Variants in CEP128 observed in about 807,000 individuals in gnomAD.
CEP128 encodes the protein centrosomal protein 128, also known as centrosomal protein 128kDa.
A neutral mutation model predicts 156.7 loss-of-function variants in CEP128; 132 were observed. The ratio of observed to expected loss-of-function variants is 0.84; its 90% CI spans 0.73 to 0.97. The LOEUF is 0.97. CEP128 is among the 50% of genes least tolerant of loss of function. The probability of loss-of-function intolerance (pLI) is 0.00; values close to 1 mark genes in which losing one functional copy is unlikely to be tolerated. For missense variants in CEP128, 1,252 were observed against 1,281.9 expected, an observed-to-expected ratio of 0.98 and a Z score of 0.36; for synonymous variants, 469 against 448.9, an observed-to-expected ratio of 1.04 and a Z score of -0.57.
At chr14:80,771,314 G>A (rs1189331344) in intron 16 of CEP128, among the ~76,000 whole-genome samples, 1 of 152,094 alleles carries the variant, frequency 6.6e-6, no homozygotes, top group African/African-American at 2.4e-5. Flanking sequence ...AAGAATACAA[G>A]GACTGTATGC....
At chr14:80,944,103 A>G (rs745511340), upstream of CEP128, among the ~76,000 whole-genome samples, 18 of 152,304 alleles carry the variant, frequency 1.2e-4, no homozygotes, top group Non-Finnish European at 2.5e-4. Context: ...AACCAACAAA[A>G]TAGATTTTAC....
At chr14:80,895,672 T>A (rs1889311816) in intron 8 of CEP128, 46 bp downstream of exon 8, 5 of 1,336,908 alleles carry the variant, frequency 3.7e-6, no homozygotes, top group Non-Finnish European at 5.1e-6. Flanking sequence ...AGCCTACCCA[T>A]CCTCTACATG....
At chr14:80,925,218 T>C (rs1885081693) in intron 2 of CEP128, among the ~76,000 whole-genome samples, 1 of 150,194 alleles carries the variant, frequency 6.7e-6, no homozygotes. Context: ...TAGTCATCAG[T>C]ATAGGGGTGG....
downstream of CEP128, among the ~76,000 whole-genome samples, chr14:80,491,549 G>T (rs1887326254): frequency 6.6e-6 from 1 of 152,180 alleles, no homozygotes; most frequent in South Asian, 2.1e-4. Flanking sequence ...ATGATGGGAA[G>T]TTTCAAATAT....
At chr14:80,703,499 T>A (rs961309372) in intron 19 of CEP128, among the ~76,000 whole-genome samples, 1 of 151,976 alleles carries the variant, frequency 6.6e-6, no homozygotes, top group Non-Finnish European at 1.5e-5. Context: ...AGCTTTTAGC[T>A]TTTGGAGAAA....
At chr14:80,706,369 A>G (rs761392640) in intron 19 of CEP128, among the ~76,000 whole-genome samples, 15 of 152,072 alleles carry the variant, frequency 9.9e-5, no homozygotes, top group Non-Finnish European at 1.8e-4. Flanking sequence ...CAGGATATCA[A>G]CATCGATATG....
intron 20 of CEP128, among the ~76,000 whole-genome samples, chr14:80,576,188 T>C (rs1390493084): frequency 6.6e-6 from 1 of 152,102 alleles, no homozygotes; most frequent in Admixed American, 6.6e-5. Context: ...GAGCAAGGTG[T>C]CAAGTCACTG....
At chr14:80,770,878 G>C (rs1900478758) in intron 16 of CEP128, among the ~76,000 whole-genome samples, 1 of 152,130 alleles carries the variant, frequency 6.6e-6, no homozygotes, top group Non-Finnish European at 1.5e-5. Context: ...CTATTTTTCT[G>C]ATTTCTCTAG....
At chr14:80,719,489 A>G (rs1355537137) in intron 19 of CEP128, among the ~76,000 whole-genome samples, 1 of 152,156 alleles carries the variant, frequency 6.6e-6, no homozygotes, top group Admixed American at 6.5e-5. Flanking sequence ...CAAAGCTTTA[A>G]AAAGATTATC....
At chr14:80,896,274 G>A (rs546701224) in intron 7 of CEP128, among the ~76,000 whole-genome samples, 3 of 152,220 alleles carry the variant, frequency 2.0e-5, no homozygotes, top group African/African-American at 4.8e-5. Flanking sequence ...CCATTACCTT[G>A]TTTCTCCTCA....
intron 4 of CEP128, among the ~76,000 whole-genome samples, chr14:80,908,456 G>A (rs966241078): frequency 3.3e-5 from 5 of 151,562 alleles, no homozygotes; most frequent in African/African-American, 1.2e-4. Flanking sequence ...CTATACACAA[G>A]CTGTTGTTCA....
rs1383223279 is a variant in CEP128, at chr14:80,856,710, TTTTTC to T, written c.762+6042_762+6046del. ...GTGTGTGTCCAGCATTTATCTCATG[TTTTTC>T]TTTTCTTTTTTTTTTTTTTTTTTTT... On this transcript the variant is annotated intron_variant, in intron 9 of 24. Coordinates refer to ENST00000555265, the MANE Select transcript of CEP128 (RefSeq NM_152446.5). 9.3e-4 allele frequency among the ~76,000 whole-genome samples: 131 copies of T among 140,774 alleles called. 7 individuals carry two copies. The highest frequency in any genetic ancestry group is 3.8e-3 in the African/African-American group (129 of 34,038). The allele number at this position is 140,774 out of a possible 152,430, so 92.4% of individuals were successfully genotyped here. A position where few individuals can be genotyped will look rare whatever the true frequency, so the allele number is the denominator to read the frequency against.
chr14:80,722,725 G>A (rs1897866013), intron 19 of CEP128, among the ~76,000 whole-genome samples: 2 of 151,430 alleles, frequency 1.3e-5, no homozygotes, highest in Admixed American at 6.6e-5. Flanking sequence ...ATTCTCATCT[G>A]ATACCCAACT....
Position 80,765,540 on chromosome 14 carries a change from G to C in CEP128, c.2377-3927C>G, listed in dbSNP as rs76572278. Among the ~76,000 whole-genome samples, 304 of 152,220 alleles carry C rather than the reference G, an allele frequency of 2.0e-3. 6 individuals carry two copies. The East Asian group carries it at 0.024, about 12-fold the overall frequency. ...TTCTAGAGAACCAGAGGCAAAATGT[G>C]GTATATTAGAGAATGATTCAAAATA... On this transcript the variant is annotated intron_variant, in intron 16 of 24. Coordinates refer to ENST00000555265, the MANE Select transcript of CEP128 (RefSeq NM_152446.5).
intron 9 of CEP128, 31 bp from the exon 10 acceptor site, chr14:80,840,799 C>T: frequency 1.5e-6 from 2 of 1,339,290 alleles, no homozygotes; most frequent in Non-Finnish European, 2.1e-6. Flanking sequence ...AAAAATTATC[C>T]CAAAATATGT....
intron 19 of CEP128, among the ~76,000 whole-genome samples, chr14:80,612,269 T>G (rs1893024194): frequency 1.3e-5 from 2 of 152,126 alleles, no homozygotes; most frequent in Non-Finnish European, 2.9e-5. Context: ...GTTAAAATCA[T>G]CTCAGAAATC....
At chr14:80,912,310 T>C (rs552616134) in intron 4 of CEP128, among the ~76,000 whole-genome samples, 218 of 152,028 alleles carry the variant, frequency 1.4e-3, no homozygotes, top group African/African-American at 5.1e-3. Flanking sequence ...TCGTTGAAAA[T>C]TGCTTTCTTA....
Position 80,647,062 on chromosome 14 carries a change from T to TGTGTGC in CEP128, c.2807-66640_2807-66639insGCACAC, listed in dbSNP as rs1566831604. 6.7e-4 allele frequency among the ~76,000 whole-genome samples: 13 copies of TGTGTGC among 19,320 alleles called. No homozygotes were observed. The East Asian group carries it at 0.017, about 25-fold the overall frequency. 12.7% of individuals were successfully genotyped at this position (19,320 alleles called of 152,430 possible). On this transcript the variant is annotated intron_variant, in intron 19 of 24. Transcript: ENST00000555265. ...GTATATATATATATATATATATATA[T>TGTGTGC]ATATATATATATATATATATATATA...
At chr14:80,718,188 A>T (rs1254125769) in intron 19 of CEP128, among the ~76,000 whole-genome samples, 1 of 152,198 alleles carries the variant, frequency 6.6e-6, no homozygotes, top group Admixed American at 6.5e-5. Flanking sequence ...GAATAATATC[A>T]CCAACAAGTC....
Sources: allele counts gnomAD v4.1 joint callset (sites outside exome capture counted in the v4.1 genomes callset), GRCh38; gene constraint gnomAD v4.1.1; transcripts MANE v1.5; gene names NCBI Gene and HGNC (gene_info 2026-07-23, HGNC 2026-07-21).